The following ADAMTS17 variants were observed in gnomAD, a reference collection of about 807,000 sequenced individuals.
ADAMTS17 encodes the protein ADAM metallopeptidase with thrombospondin type 1 motif 17, also known as A disintegrin and metalloproteinase with thrombospondin motifs 17.
ADAMTS17 carries 113 observed loss-of-function variants against 141.5 expected under a neutral mutation model. That is an observed-to-expected ratio of 0.80 (90% CI 0.69 to 0.93). The LOEUF is 0.93. Ranked by LOEUF, ADAMTS17 falls within the 40% of genes least tolerant of loss-of-function variation. The pLI is 0.00. For missense variants in ADAMTS17, 1,659 were observed against 1,517.9 expected, an observed-to-expected ratio of 1.09 and a Z score of -1.54; for synonymous variants, 768 against 630.6, an observed-to-expected ratio of 1.22 and a Z score of -3.27.
intron 8 of ADAMTS17, among the ~76,000 whole-genome samples, chr15:100,192,514 TTC>T (rs1232500704): frequency 1.3e-5 from 2 of 152,194 alleles, no homozygotes; most frequent in Admixed American, 6.5e-5. Context: ...TTCTCAGAAA[TTC>T]TCTCTCTGCA....
At position 99,974,443 on chromosome 15, in the gene ADAMTS17, A is replaced by C; in HGVS notation, c.3247T>G (p.Phe1083Val). The C allele has an allele frequency of 6.2e-7, 1 of 1,614,192 alleles. No individual in the cohort carries two copies. Among genetic ancestry groups the C allele is most frequent in the Non-Finnish European group, 8.5e-7 (1 of 1,180,036 alleles). The change falls in exon 22 of 22, where the codon TTC becomes GTC. Residue 1083 changes from phenylalanine to valine, a missense_variant. Transcript: ENST00000268070. ...YQRCCQTCRD[F>V]YANKMRQPPP... Reference sequence around the variant, plus strand: ...GGCTGGCGCATCTTGTTTGCATAGAAGTCCCTGCAGGTCTGGCAGCAGCGC... The same window carrying C: ...GGCTGGCGCATCTTGTTTGCATAGACGTCCCTGCAGGTCTGGCAGCAGCGC...
chr15:100,089,952 T>C (rs1306015952), intron 15 of ADAMTS17, among the ~76,000 whole-genome samples: 1 of 149,894 alleles, frequency 6.7e-6, no homozygotes, highest in African/African-American at 2.5e-5. Context: ...CTGCCTGTTG[T>C]GCACATGTAC....
intron 7 of ADAMTS17, among the ~76,000 whole-genome samples, chr15:100,245,673 C>G (rs958312473): frequency 1.1e-4 from 16 of 152,196 alleles, no homozygotes; most frequent in African/African-American, 3.4e-4. Flanking sequence ...GACTTCCAGC[C>G]AAGTCTCAAA....
chr15:100,320,788 G>A (rs1265474489), intron 3 of ADAMTS17, among the ~76,000 whole-genome samples: 3 of 152,040 alleles, frequency 2.0e-5, no homozygotes, highest in Admixed American at 6.6e-5. Context: ...AACCAAGATC[G>A]CGCCACTGCA....
chr15:99,974,462 G>A lies in ADAMTS17; in HGVS notation c.3228C>T (p.Cys1076=), dbSNP rs746697133. 5.6e-6 allele frequency: 9 copies of A among 1,614,240 alleles called. No homozygotes were observed. In the African/African-American group the frequency reaches 1.2e-4, roughly 22 times the overall value. ...CATAGAAGTCCCTGCAGGTCTGGCA[G>A]CAGCGCTGGTACCACCGCATGTCCT... ...LCQDMRWYQR[C]CQTCRDFYAN... Residue 1076 remains cysteine (C), a synonymous_variant, in exon 22 of 22, where the codon TGC becomes TGT. Coordinates refer to ENST00000268070, the MANE Select transcript of ADAMTS17 (RefSeq NM_139057.4).
intron 2 of ADAMTS17, 82 bp from the exon 3 acceptor site, chr15:100,331,136 C>T: frequency 5.8e-6 from 9 of 1,556,864 alleles, no homozygotes; most frequent in Non-Finnish European, 7.9e-6. Context: ...GCAGGCAAGA[C>T]CACCTTGCTG....
Position 100,341,005 on chromosome 15 carries a change from G to A in ADAMTS17, c.450+34C>T, listed in dbSNP as rs1259925998. Reference sequence around the variant, plus strand: ...CGACCACTCTGCGTCGCAACAGACCGGACGGGCCGACCCGGAGGTGGCGCG... The same window carrying A: ...CGACCACTCTGCGTCGCAACAGACCAGACGGGCCGACCCGGAGGTGGCGCG... On this transcript the variant is annotated intron_variant, in intron 2 of 21. Coordinates refer to ENST00000268070, the MANE Select transcript of ADAMTS17 (RefSeq NM_139057.4). 4.0e-6 allele frequency: 6 copies of A among 1,499,426 alleles called. No homozygotes were observed. In the Admixed American group the frequency reaches 1.0e-4, roughly 25 times the overall value. 92.9% of individuals were successfully genotyped at this position (1,499,426 alleles called of 1,614,324 possible). A position where few individuals can be genotyped will look rare whatever the true frequency, so the allele number is the denominator to read the frequency against.
rs1248856820 is a variant in ADAMTS17 at position 100,341,229 on chromosome 15, G to T, written c.260C>A (p.Ala87Asp). ...CTGAAGGTACAGGTCGCGCCCGAAG[G>T]CCGGCAGGTGCAGCAGCAGGGCGCG... ...GERALLLHLP[A>D]FGRDLYLQLR... Residue 87 changes from alanine to aspartate, a missense_variant, in exon 2 of 22, where the codon GCC becomes GAC. Transcript: ENST00000268070. 2.1e-6 allele frequency: 3 copies of T among 1,431,290 alleles called. No individual in the cohort carries two copies. The highest frequency in any genetic ancestry group is 2.7e-6 in the Non-Finnish European group (3 of 1,092,398). 88.7% of individuals were successfully genotyped at this position (1,431,290 alleles called of 1,614,324 possible). A position where few individuals can be genotyped will look rare whatever the true frequency, so the allele number is the denominator to read the frequency against.
intron 14 of ADAMTS17, among the ~76,000 whole-genome samples, chr15:100,108,582 T>C (rs2036549997): frequency 6.6e-6 from 1 of 152,214 alleles, no homozygotes; most frequent in African/African-American, 2.4e-5. Context: ...CCCTGACAGC[T>C]GGGCGCACCT....
chr15:100,067,918 T>A (rs1057123956), intron 15 of ADAMTS17, among the ~76,000 whole-genome samples: 1 of 152,058 alleles, frequency 6.6e-6, no homozygotes, highest in African/African-American at 2.4e-5. Flanking sequence ...GGACAGTGGG[T>A]GCAGTGCACT....
chr15:100,085,621 C>A (rs1022180676), intron 15 of ADAMTS17, among the ~76,000 whole-genome samples: 5 of 151,944 alleles, frequency 3.3e-5, no homozygotes, highest in African/African-American at 1.2e-4. Context: ...CAAAGGCAAG[C>A]CCATCATCAG....
intron 3 of ADAMTS17, among the ~76,000 whole-genome samples, chr15:100,324,906 A>C (rs1454585421): frequency 6.6e-6 from 1 of 152,194 alleles, no homozygotes. Flanking sequence ...AAGGAAACTG[A>C]AGCTCAGAGA....
At chr15:100,270,711 G>A (rs183307455) in intron 4 of ADAMTS17, among the ~76,000 whole-genome samples, 1 of 151,064 alleles carries the variant, frequency 6.6e-6, no homozygotes, top group Admixed American at 6.6e-5. Flanking sequence ...TACTGCAAAG[G>A]CAGGTGATAT....
chr15:100,070,059 C>A (rs1157145039), intron 15 of ADAMTS17, among the ~76,000 whole-genome samples: 1 of 149,684 alleles, frequency 6.7e-6, no homozygotes, highest in Non-Finnish European at 1.5e-5. Context: ...ATCTACCAAG[C>A]AAATGGAAAA....
chr15:100,091,218 C>T (rs149469090), intron 15 of ADAMTS17, among the ~76,000 whole-genome samples: 1,804 of 151,766 alleles, frequency 0.012, 20 homozygotes, highest in Non-Finnish European at 0.02. Context: ...AGCACCCTGG[C>T]GTCTCTCAGG....
intron 18 of ADAMTS17, among the ~76,000 whole-genome samples, chr15:99,999,685 G>A (rs892122233): frequency 1.3e-5 from 2 of 152,158 alleles, no homozygotes; most frequent in African/African-American, 4.8e-5. Flanking sequence ...TTTCGGCTCT[G>A]AGAGGACCAC....
At chr15:100,202,976 T>C (rs1037584012) in intron 7 of ADAMTS17, among the ~76,000 whole-genome samples, 2 of 138,670 alleles carry the variant, frequency 1.4e-5, no homozygotes, top group African/African-American at 3.4e-5. Flanking sequence ...ACAGAACTTA[T>C]TTAAAAATTT....
rs111615208 is a variant in ADAMTS17, at chr15:100,097,945, C to G, written c.2017-1469G>C. ...GTCCAAAAATGATAGCATAACTGGA[C>G]AGATTCCAGAGAAGACTTTTAGATG... On this transcript the variant is annotated intron_variant, in intron 14 of 21. Coordinates refer to ENST00000268070, the MANE Select transcript of ADAMTS17 (RefSeq NM_139057.4). Among the ~76,000 whole-genome samples the G allele has an allele frequency of 1.3e-5, 2 of 152,274 alleles. 1 individual carries two copies. Among genetic ancestry groups the G allele is most frequent in the African/African-American group, 4.8e-5 (2 of 41,558 alleles).
chr15:100,086,709 A>G (rs1056862423), intron 15 of ADAMTS17, among the ~76,000 whole-genome samples: 21 of 150,358 alleles, frequency 1.4e-4, no homozygotes, highest in African/African-American at 4.7e-4. Flanking sequence ...GCTCAACTAC[A>G]TGGAAACTGA....
Sources: gnomAD v4.1 joint callset for allele counts (sites outside exome capture counted in the v4.1 genomes callset) on GRCh38, gnomAD v4.1.1 for gene constraint, MANE v1.5 for transcripts, NCBI Gene and HGNC (gene_info 2026-07-23, HGNC 2026-07-21) for gene names.